The following SAMD12 variants were observed in gnomAD, a reference collection of about 807,000 sequenced individuals.
SAMD12 encodes the protein sterile alpha motif domain-containing protein 12.
Under a neutral mutation model 15.0 loss-of-function variants are expected in SAMD12, and 9 were observed. The ratio of observed to expected loss-of-function variants is 0.60; its 90% CI spans 0.36 to 1.05. The LOEUF is 1.05. Among genes scored for constraint, SAMD12 ranks in the 50% least tolerant of loss-of-function variants. SAMD12 has a pLI of 0.01. For synonymous variants in SAMD12, 86 were observed against 90.1 expected, an observed-to-expected ratio of 0.96 and a Z score of 0.25; for missense variants, 230 against 234.2, an observed-to-expected ratio of 0.98 and a Z score of 0.12.
At chr8:118,214,747 A>G (rs931095572) in intron 4 of SAMD12, among the ~76,000 whole-genome samples, 1 of 152,258 alleles carries the variant, frequency 6.6e-6, no homozygotes, top group Non-Finnish European at 1.5e-5. Flanking sequence ...CTTTAAAGCT[A>G]TAATACTCAT....
At chr8:118,335,146 C>G (rs6988788) in intron 4 of SAMD12, among the ~76,000 whole-genome samples, 71,020 of 151,898 alleles carry the variant, frequency 0.47, 18,340 homozygotes, top group African/African-American at 0.71. Flanking sequence ...AGTGAAGGCA[C>G]AGCCACCACT....
chr8:118,530,615 C>T (rs747313706), intron 2 of SAMD12, among the ~76,000 whole-genome samples: 1 of 152,112 alleles, frequency 6.6e-6, no homozygotes, highest in Non-Finnish European at 1.5e-5. Context: ...TTGTCATATG[C>T]ATACTTTGCA....
At chr8:118,476,238 G>A (rs1250884879) in intron 2 of SAMD12, among the ~76,000 whole-genome samples, 4 of 152,170 alleles carry the variant, frequency 2.6e-5, no homozygotes, top group Non-Finnish European at 5.9e-5. Context: ...CACGTTGCAG[G>A]TGTGTCCTCT....
At chr8:118,484,703 G>C (rs1485886911) in intron 2 of SAMD12, among the ~76,000 whole-genome samples, 1 of 151,978 alleles carries the variant, frequency 6.6e-6, no homozygotes, top group African/African-American at 2.4e-5. Context: ...GATTTCCTAA[G>C]GAGCCTTACC....
chr8:118,283,352 A>G (rs765064621), intron 4 of SAMD12, among the ~76,000 whole-genome samples: 4 of 152,200 alleles, frequency 2.6e-5, no homozygotes, highest in Non-Finnish European at 5.9e-5. Flanking sequence ...GCAATTAGGC[A>G]TGCATGAGAT....
intron 2 of SAMD12, among the ~76,000 whole-genome samples, chr8:118,481,576 G>A (rs924508310): frequency 6.6e-6 from 1 of 152,114 alleles, no homozygotes; most frequent in African/African-American, 2.4e-5. Context: ...CTTTGTAGAG[G>A]AGGGCCATTT....
Position 118,609,209 on chromosome 8 carries a change from A to C in SAMD12, c.13+12595T>G, listed in dbSNP as rs145644222. Among the ~76,000 whole-genome samples the C allele has an allele frequency of 4.2e-3, 636 of 152,344 alleles. 4 individuals are homozygous for C. The highest frequency in any genetic ancestry group is 9.9e-3 in the Admixed American group (152 of 15,298). ...AGTGTGGTGGGCTACATCAAGGAAC[A>C]AAAGTTTGCAAAGAGAAAATTGTCA... is the stretch of plus-strand genomic sequence containing the variant. On this transcript the variant is annotated intron_variant, in intron 1 of 3. Coordinates refer to ENST00000314727, the MANE Select transcript of SAMD12 (RefSeq NM_207506.3).
chr8:118,273,642 T>C (rs1813415051), intron 4 of SAMD12, among the ~76,000 whole-genome samples: 1 of 152,058 alleles, frequency 6.6e-6, no homozygotes, highest in Non-Finnish European at 1.5e-5. Context: ...CTCTGAGACA[T>C]TGGATAAGGA....
chr8:118,257,912 T>A (rs1812989543), intron 4 of SAMD12, among the ~76,000 whole-genome samples: 1 of 152,166 alleles, frequency 6.6e-6, no homozygotes, highest in African/African-American at 2.4e-5. Flanking sequence ...AAATGCTTTC[T>A]CCTGACCTTG....
intron 4 of SAMD12, among the ~76,000 whole-genome samples, chr8:118,339,555 C>G (rs1019600314): frequency 2.6e-5 from 4 of 152,164 alleles, no homozygotes; most frequent in African/African-American, 9.7e-5. Context: ...TGGCTGCCGC[C>G]GCAGCTCTGA....
chr8:118,186,468 A>G (rs1456809597), downstream of SAMD12, among the ~76,000 whole-genome samples: 2 of 152,214 alleles, frequency 1.3e-5, no homozygotes, highest in Non-Finnish European at 2.9e-5. Flanking sequence ...TTAAAACATG[A>G]AAAGATTTCA....
chr8:118,538,416 C>G (rs1283995397), intron 2 of SAMD12, among the ~76,000 whole-genome samples: 1 of 152,188 alleles, frequency 6.6e-6, no homozygotes, highest in Non-Finnish European at 1.5e-5. Context: ...GCAGGGCTGG[C>G]CAGAACTCAG....
chr8:118,263,163 G>T (rs998060203), intron 4 of SAMD12, among the ~76,000 whole-genome samples: 1 of 152,010 alleles, frequency 6.6e-6, no homozygotes, highest in Non-Finnish European at 1.5e-5. Context: ...CCCTTTCTTA[G>T]TTTTCCTGTT....
chr8:118,213,050 C>A (rs1179644617), intron 4 of SAMD12, among the ~76,000 whole-genome samples: 1 of 152,142 alleles, frequency 6.6e-6, no homozygotes, highest in South Asian at 2.1e-4. Flanking sequence ...TGGACCTCAT[C>A]TTTTGGCAAA....
chr8:118,452,078 G>C (rs933387847), intron 2 of SAMD12, among the ~76,000 whole-genome samples: 1 of 152,072 alleles, frequency 6.6e-6, no homozygotes, highest in Non-Finnish European at 1.5e-5. Context: ...CAGAGAGCTC[G>C]CTCTCTGTCC....
chr8:118,200,889 G>C (rs543502487), intron 4 of SAMD12, among the ~76,000 whole-genome samples: 1 of 152,224 alleles, frequency 6.6e-6, no homozygotes, highest in East Asian at 1.9e-4. Context: ...GCACCATCAC[G>C]GCTCATTGTA....
At chr8:118,259,293 A>C (rs1813024522) in intron 4 of SAMD12, among the ~76,000 whole-genome samples, 1 of 152,114 alleles carries the variant, frequency 6.6e-6, no homozygotes, top group Non-Finnish European at 1.5e-5. Context: ...AATGGTTAAG[A>C]TTGAAAAAGA....
intron 2 of SAMD12, among the ~76,000 whole-genome samples, chr8:118,488,082 G>C (rs1219882636): frequency 1.3e-5 from 2 of 149,758 alleles, no homozygotes; most frequent in Non-Finnish European, 3.0e-5. Context: ...GTTAGTACAG[G>C]AATAAAAAAA....
chr8:118,277,102 T>C (rs1038485312), intron 4 of SAMD12, among the ~76,000 whole-genome samples: 1 of 152,160 alleles, frequency 6.6e-6, no homozygotes, highest in African/African-American at 2.4e-5. Flanking sequence ...CTGTGTTTTG[T>C]TTTGTTTTCC....
Sources: gnomAD v4.1 joint callset for allele counts (sites outside exome capture counted in the v4.1 genomes callset) on GRCh38, gnomAD v4.1.1 for gene constraint, MANE v1.5 for transcripts, NCBI Gene and HGNC (gene_info 2026-07-23, HGNC 2026-07-21) for gene names.